Variants in CAPN8 observed in about 807,000 individuals in gnomAD.
CAPN8 encodes calpain 8, also known as calpain-8.
A neutral mutation model predicts 80.9 loss-of-function variants in CAPN8; 87 were observed. That is an observed-to-expected ratio of 1.07 (90% CI 0.90 to 1.28). The LOEUF is 1.28. Ranked by LOEUF, CAPN8 falls within the 50% of genes most tolerant of loss-of-function variation. The pLI is 0.00. For synonymous variants in CAPN8, 299 were observed against 273.8 expected (o/e 1.09, Z -0.91); for missense variants, 757 against 702.0 (o/e 1.08, Z -0.89).
chr1:223,631,696 C>T (rs1274728203), intron 2 of CAPN8, among the ~76,000 whole-genome samples: 2 of 152,232 alleles, frequency 1.3e-5, no homozygotes, highest in East Asian at 3.8e-4. Flanking sequence ...TGCACCTCAG[C>T]CTCCCAAGTC....
At chr1:223,657,490 G>A (rs898979888) in intron 1 of CAPN8, among the ~76,000 whole-genome samples, 1 of 152,134 alleles carries the variant, frequency 6.6e-6, no homozygotes, top group African/African-American at 2.4e-5. Flanking sequence ...TTCTTGGCTG[G>A]GCATGGTGAC....
chr1:223,614,462 C>G (rs1326536190), intron 10 of CAPN8, among the ~76,000 whole-genome samples: 1 of 152,064 alleles, frequency 6.6e-6, no homozygotes, highest in Non-Finnish European at 1.5e-5. Context: ...GCAGCCATGC[C>G]CACCTACTAT....
chr1:223,610,249 T>C (rs1002297861), intron 11 of CAPN8, among the ~76,000 whole-genome samples: 4 of 152,178 alleles, frequency 2.6e-5, no homozygotes, highest in Admixed American at 1.3e-4. Flanking sequence ...ACAGTGTTCA[T>C]TCTTGGTCAT....
At chr1:223,552,301 C>A (rs1179006952) in intron 14 of CAPN8, among the ~76,000 whole-genome samples, 3 of 152,176 alleles carry the variant, frequency 2.0e-5, no homozygotes, top group African/African-American at 7.2e-5. Context: ...CGGTGGCTCA[C>A]ACCTGTAATC....
intron 9 of CAPN8, chr1:223,618,279 A>G (rs1422836972): frequency 5.8e-6 from 9 of 1,550,314 alleles, no homozygotes; most frequent in Non-Finnish European, 7.0e-6. Context: ...ACCTAGGAGG[A>G]GCCTACACAG....
intron 2 of CAPN8, among the ~76,000 whole-genome samples, chr1:223,650,865 C>A (rs1658327206): frequency 6.6e-6 from 1 of 152,170 alleles, no homozygotes; most frequent in South Asian, 2.1e-4. Context: ...TGGACAAAGT[C>A]TATTTCAGTG....
chr1:223,610,189 G>A (rs1027655192), intron 11 of CAPN8, among the ~76,000 whole-genome samples: 1 of 152,182 alleles, frequency 6.6e-6, no homozygotes, highest in East Asian at 1.9e-4. Flanking sequence ...ACACTGCAAG[G>A]GCTGTTAACT....
At chr1:223,609,954 G>A (rs1281137277) in intron 11 of CAPN8, among the ~76,000 whole-genome samples, 1 of 152,198 alleles carries the variant, frequency 6.6e-6, no homozygotes. Context: ...AGCCTCCCCA[G>A]GGCCTCGACT....
chr1:223,619,511 A>G, intron 8 of CAPN8, 58 bp from the exon 9 acceptor site: 2 of 1,536,464 alleles, frequency 1.3e-6, no homozygotes, highest in Non-Finnish European at 1.8e-6. Context: ...GATTAAAGGC[A>G]CGCATACTGA....
In CAPN8 at chr1:223,612,250, T is replaced by C; in HGVS notation, c.1319A>G (p.Lys440Arg). Residue 440 changes from lysine (K) to arginine (R), a missense_variant, in exon 11 of 21, where the codon AAG becomes AGG. By Grantham distance (26) the Lys-to-Arg change is conservative. Coordinates refer to ENST00000366872, the MANE Select transcript of CAPN8 (RefSeq NM_001143962.2). ...SIGYAVYQVPKELESHTDAHL... is the reference protein window; with the variant it reads ...SIGYAVYQVPRELESHTDAHL... ...TCTCTGTCAGCACTCACATACCTCCTTGGGAACCTGTGGGGCAGAAGAAAA... is the reference window on the plus strand; with the variant it reads ...TCTCTGTCAGCACTCACATACCTCCCTGGGAACCTGTGGGGCAGAAGAAAA... 1 of 1,234,256 alleles carries C rather than the reference T, an allele frequency of 8.1e-7. No homozygotes were observed. The highest frequency in any genetic ancestry group is 1.5e-5 in the African/African-American group (1 of 64,604). The allele number at this position is 1,234,256 out of a possible 1,614,324, so 76.5% of individuals were successfully genotyped here.
At chr1:223,545,110 T>C in intron 17 of CAPN8, 121 bp downstream of exon 17, 1 of 1,483,354 alleles carries the variant, frequency 6.7e-7, no homozygotes, top group Non-Finnish European at 9.1e-7. Context: ...ATGACCAATG[T>C]GCCCAGGACT....
chr1:223,628,251 G>T, intron 3 of CAPN8, 109 bp from the exon 4 acceptor site: 1 of 1,278,702 alleles, frequency 7.8e-7, no homozygotes, highest in Non-Finnish European at 1.1e-6. Flanking sequence ...TTCGAGTCTT[G>T]GCTCCTTAGG....
intron 14 of CAPN8, among the ~76,000 whole-genome samples, 182 bp downstream of exon 14, chr1:223,553,650 G>A (rs1036282836): frequency 1.6e-4 from 25 of 152,156 alleles, no homozygotes; most frequent in Admixed American, 3.9e-4. Context: ...ATTCCCAAGT[G>A]ATGAAGGAAA....
At chr1:223,612,936 C>T (rs1023592054) in intron 10 of CAPN8, among the ~76,000 whole-genome samples, 2 of 152,188 alleles carry the variant, frequency 1.3e-5, no homozygotes, top group African/African-American at 4.8e-5. Flanking sequence ...GTTTCATGAG[C>T]TGGTACACTA....
At chr1:223,552,261 A>G (rs1656807042) in intron 14 of CAPN8, among the ~76,000 whole-genome samples, 1 of 152,232 alleles carries the variant, frequency 6.6e-6, no homozygotes, top group African/African-American at 2.4e-5. Flanking sequence ...GTCAGTCCCA[A>G]TAATAAGACC....
intron 2 of CAPN8, among the ~76,000 whole-genome samples, chr1:223,650,709 G>A (rs1269743781): frequency 4.6e-5 from 7 of 152,128 alleles, no homozygotes; most frequent in Non-Finnish European, 7.3e-5. Flanking sequence ...GATCTAGTTG[G>A]ATGAGCCAAT....
intron 2 of CAPN8, among the ~76,000 whole-genome samples, chr1:223,642,461 G>A (rs1289904113): frequency 6.6e-6 from 1 of 152,144 alleles, no homozygotes; most frequent in Admixed American, 6.5e-5. Flanking sequence ...ACCCAGAAGG[G>A]GCCTCTCAGA....
chr1:223,558,489 C>A (rs1391605014), intron 12 of CAPN8, among the ~76,000 whole-genome samples: 1 of 152,292 alleles, frequency 6.6e-6, no homozygotes, highest in African/African-American at 2.4e-5. Context: ...AGAGAATTCC[C>A]CAGAAGGGTG....
intron 2 of CAPN8, among the ~76,000 whole-genome samples, chr1:223,651,331 T>C (rs1658337822): frequency 6.6e-6 from 1 of 152,188 alleles, no homozygotes; most frequent in East Asian, 1.9e-4. Flanking sequence ...AATCATACTG[T>C]CCTCCTTCAG....
Sources: gnomAD v4.1 joint callset for allele counts (sites outside exome capture counted in the v4.1 genomes callset) on GRCh38, gnomAD v4.1.1 for gene constraint, MANE v1.5 for transcripts, NCBI Gene and HGNC (gene_info 2026-07-23, HGNC 2026-07-21) for gene names.